DOCK5: variants seen among roughly 807,000 people sequenced by gnomAD.
DOCK5 encodes dedicator of cytokinesis 5.
In DOCK5, 142 loss-of-function variants were observed where a neutral mutation model predicts 251.8. The observed-to-expected ratio is 0.56, with a 90% CI of 0.49 to 0.65. The LOEUF (loss-of-function observed/expected upper bound fraction) is 0.65, where lower values mean the gene tolerates loss of function less well. Among genes scored for constraint, DOCK5 ranks in the 30% least tolerant of loss-of-function variants. The probability of loss-of-function intolerance (pLI) is 0.00; values close to 1 mark genes in which losing one functional copy is unlikely to be tolerated. For synonymous variants in DOCK5, 842 were observed against 835.5 expected, an observed-to-expected ratio of 1.01 and a Z score of -0.13; for missense variants, 2,111 against 2,312.3, an observed-to-expected ratio of 0.91 and a Z score of 1.79.
chr8:25,392,218 T>C (rs954256665), intron 43 of DOCK5, among the ~76,000 whole-genome samples: 8 of 151,556 alleles, frequency 5.3e-5, no homozygotes, highest in Non-Finnish European at 1.0e-4. Context: ...GCACGAGAAT[T>C]GCTTAAACCC....
chr8:25,407,424 A>G (rs1801541183), intron 48 of DOCK5, among the ~76,000 whole-genome samples: 1 of 152,178 alleles, frequency 6.6e-6, no homozygotes, highest in African/African-American at 2.4e-5. Flanking sequence ...TGTACATTGA[A>G]TTAAGCCCTT....
intron 2 of DOCK5, among the ~76,000 whole-genome samples, chr8:25,246,524 C>T (rs1454202696): frequency 6.6e-6 from 1 of 152,176 alleles, no homozygotes; most frequent in African/African-American, 2.4e-5. Flanking sequence ...GGTGATCCGC[C>T]CACCTTGGCC....
intron 47 of DOCK5, 140 bp from the exon 48 acceptor site, chr8:25,403,418 C>T (rs1801470667): frequency 4.8e-6 from 4 of 834,394 alleles, no homozygotes; most frequent in Non-Finnish European, 5.7e-6. Context: ...AGCACAGGCA[C>T]CAACCAATCA....
chr8:25,234,956 G>A (rs1802757828), intron 1 of DOCK5, among the ~76,000 whole-genome samples: 1 of 152,108 alleles, frequency 6.6e-6, no homozygotes, highest in African/African-American at 2.4e-5. Flanking sequence ...TATTGATGAG[G>A]GGTTAGTGTC....
intron 22 of DOCK5, among the ~76,000 whole-genome samples, chr8:25,339,624 G>A (rs1805901078): frequency 6.6e-6 from 1 of 152,206 alleles, no homozygotes; most frequent in South Asian, 2.1e-4. Flanking sequence ...GTAAGGGTTA[G>A]TGGGAGCAGG....
At chr8:25,291,988 TA>T in intron 5 of DOCK5, 35 bp from the exon 6 acceptor site, 1 of 1,510,110 alleles carries the variant, frequency 6.6e-7, no homozygotes, top group Non-Finnish European at 8.9e-7. Context: ...CACCTTTTTC[TA>T]AGAATCTTTT....
In DOCK5 at chr8:25,395,561, G is replaced by A; in HGVS notation, c.4546G>A (p.Glu1516Lys). The change falls in exon 45 of 52, where the codon GAG becomes AAG. Residue 1516 changes from glutamate (E) to lysine (K), a missense_variant. This residue lies in a region of DOCK5 where 1,717 missense variants were observed against 1,892.4 expected (regional missense o/e 0.91). Coordinates refer to ENST00000276440, the MANE Select transcript of DOCK5 (RefSeq NM_024940.8). ...QISTEEISPL[E>K]NAIETMELTN... The stretch of plus-strand genomic sequence containing the variant: ...CACTCAGGAAGAGATCAGTCCTCTG[G>A]AGAATGCCATCGAAACCATGGAGCT... 1.2e-6 allele frequency: 2 copies of A among 1,613,218 alleles called. No individual in the cohort carries two copies. Among genetic ancestry groups the A allele is most frequent in the Non-Finnish European group, 1.7e-6 (2 of 1,179,714 alleles).
chr8:25,300,149 G>T (rs1054379521), intron 8 of DOCK5, among the ~76,000 whole-genome samples: 1 of 152,092 alleles, frequency 6.6e-6, no homozygotes, highest in East Asian at 1.9e-4. Context: ...CAGGCGATCC[G>T]CCCGCCTTGA....
chr8:25,220,740 G>T (rs1335630497), intron 1 of DOCK5, among the ~76,000 whole-genome samples: 1 of 152,154 alleles, frequency 6.6e-6, no homozygotes, highest in East Asian at 1.9e-4. Context: ...AGACTCCTGG[G>T]ATTACAGATA....
At chr8:25,314,458 C>T (rs979610423) in intron 13 of DOCK5, among the ~76,000 whole-genome samples, 1 of 151,934 alleles carries the variant, frequency 6.6e-6, no homozygotes, top group Non-Finnish European at 1.5e-5. Flanking sequence ...TCAGCATCCC[C>T]ATTTGGACCT....
chr8:25,387,213 G>T (rs985265046), intron 40 of DOCK5, among the ~76,000 whole-genome samples: 3 of 148,966 alleles, frequency 2.0e-5, no homozygotes, highest in African/African-American at 7.4e-5. Context: ...AAGAGGTCTC[G>T]CTCTGTCATC....
chr8:25,193,831 A>G (rs1801645996), intron 1 of DOCK5, among the ~76,000 whole-genome samples: 1 of 152,190 alleles, frequency 6.6e-6, no homozygotes, highest in African/African-American at 2.4e-5. Flanking sequence ...CTTGTTTACA[A>G]TATGTTAGCT....
At chr8:25,248,949 T>C (rs1391972298) in intron 2 of DOCK5, among the ~76,000 whole-genome samples, 1 of 152,208 alleles carries the variant, frequency 6.6e-6, no homozygotes, top group Non-Finnish European at 1.5e-5. Context: ...TGTTTTTTGG[T>C]CCTCTGCAAT....
intron 5 of DOCK5, among the ~76,000 whole-genome samples, chr8:25,286,455 C>T (rs922689844): frequency 6.6e-6 from 1 of 152,052 alleles, no homozygotes; most frequent in African/African-American, 2.4e-5. Context: ...GGAATATGCC[C>T]GAAGCCACAT....
intron 44 of DOCK5, among the ~76,000 whole-genome samples, chr8:25,393,550 G>A (rs557062360): frequency 5.3e-5 from 8 of 152,136 alleles, no homozygotes; most frequent in Non-Finnish European, 1.2e-4. Context: ...GCAATCTGTT[G>A]GAACCATACT....
At chr8:25,363,415 T>C (rs1441159015) in intron 29 of DOCK5, among the ~76,000 whole-genome samples, 2 of 152,210 alleles carry the variant, frequency 1.3e-5, no homozygotes, top group Admixed American at 6.5e-5. Flanking sequence ...CACTGCACCT[T>C]TCCGTGGCTC....
chr8:25,392,066 G>T, intron 43 of DOCK5, 86 bp downstream of exon 43: 1 of 1,223,904 alleles, frequency 8.2e-7, no homozygotes, highest in Non-Finnish European at 1.2e-6. Context: ...CATTCTGGGA[G>T]GCCGATGCGG....
At chr8:25,227,036 C>A (rs1400323892) in intron 1 of DOCK5, among the ~76,000 whole-genome samples, 1 of 152,152 alleles carries the variant, frequency 6.6e-6, no homozygotes, top group Non-Finnish European at 1.5e-5. Context: ...CAGGTTATTT[C>A]CAGTTTTGTT....
At chr8:25,400,113 T>C in intron 46 of DOCK5, 119 bp downstream of exon 46, 2 of 751,798 alleles carry the variant, frequency 2.7e-6, no homozygotes. Flanking sequence ...TTTTAACCCT[T>C]GTGAAAGCAC....
Sources: allele counts gnomAD v4.1 joint callset (sites outside exome capture counted in the v4.1 genomes callset), GRCh38; gene constraint gnomAD v4.1.1; regional missense constraint gnomAD v4.1.1; transcripts MANE v1.5; gene names NCBI Gene and HGNC (gene_info 2026-07-23, HGNC 2026-07-21).